The following DNASE1 variants were observed in gnomAD, a reference collection of about 807,000 sequenced individuals.
DNASE1 encodes deoxyribonuclease-1.
In DNASE1, 40 loss-of-function variants were observed where a neutral mutation model predicts 33.9. That is an observed-to-expected ratio of 1.18 (90% CI 0.92 to 1.54). The LOEUF (loss-of-function observed/expected upper bound fraction) is 1.54, where lower values mean the gene tolerates loss of function less well. Ranked by LOEUF, DNASE1 falls within the 40% of genes most tolerant of loss-of-function variation. The pLI is 0.00. For synonymous variants in DNASE1, 216 were observed against 160.0 expected, an observed-to-expected ratio of 1.35 and a Z score of -2.64; for missense variants, 518 against 372.6, an observed-to-expected ratio of 1.39 and a Z score of -3.21.
upstream of DNASE1, chr16:3,650,761 TGG>T (rs1194721583): frequency 6.6e-6 from 1 of 152,198 alleles, no homozygotes; most frequent in Non-Finnish European, 1.5e-5. Context: ...TGTTTAGTCA[TGG>T]GATGTGTGTG....
intron 1 of DNASE1, among the ~76,000 whole-genome samples, chr16:3,620,479 A>G (rs925148813): frequency 8.7e-5 from 13 of 149,910 alleles, no homozygotes; most frequent in African/African-American, 2.9e-4. Context: ...TGATCATGCC[A>G]CTCTACTTTA....
intron 2 of DNASE1, 49 bp downstream of exon 2, chr16:3,655,569 A>G: frequency 6.2e-7 from 1 of 1,612,780 alleles, no homozygotes. Flanking sequence ...TCTGGAGTCT[A>G]GGGCTGGTGG....
chr16:3,624,428 C>T (rs2041433584), intron 1 of DNASE1, among the ~76,000 whole-genome samples: 1 of 152,176 alleles, frequency 6.6e-6, no homozygotes. Flanking sequence ...TGGTGGTGCT[C>T]TAGGCACTGG....
rs778247219 is a variant in DNASE1 at position 3,655,550 on chromosome 16, C to A, written c.147+30C>A. On this transcript the variant is annotated intron_variant, in intron 2 of 8. Transcript: ENST00000246949. ...GGCCAGGGCAGCCTCCCCCCAAAAG[C>A]AGAGGAGCTCTGGAGTCTAGGGCTG... The A allele has an allele frequency of 3.7e-6, 6 of 1,613,574 alleles. No individual in the cohort carries two copies. The East Asian group carries it at 1.3e-4, about 36-fold the overall frequency.
At position 3,613,488 on chromosome 16, in the gene DNASE1, A is replaced by T. The variant is rs938296889; in HGVS notation, c.-1359+1482A>T. On this transcript the variant is annotated intron_variant and NMD_transcript_variant, in intron 1 of 11. Transcript: ENST00000570769. Reference sequence around the variant, plus strand: ...GAGTGGAATTACTGGGTAAGACTACATTTGATTCTGAATGTTGAGCTTCAA... The same window carrying T: ...GAGTGGAATTACTGGGTAAGACTACTTTTGATTCTGAATGTTGAGCTTCAA... Among the ~76,000 whole-genome samples, 8 of 152,318 alleles carry T rather than the reference A, an allele frequency of 5.3e-5. No individual in the cohort carries two copies. In the East Asian group the frequency reaches 1.5e-3, roughly 29 times the overall value.
At chr16:3,627,537 A>G (rs1014887213) in intron 1 of DNASE1, among the ~76,000 whole-genome samples, 14 of 152,122 alleles carry the variant, frequency 9.2e-5, no homozygotes, top group African/African-American at 3.4e-4. Context: ...TCAGTCTCCC[A>G]AAGTGTTACA....
At chr16:3,615,574 G>A (rs759421735) in intron 1 of DNASE1, among the ~76,000 whole-genome samples, 1 of 152,234 alleles carries the variant, frequency 6.6e-6, no homozygotes, top group African/African-American at 2.4e-5. Flanking sequence ...CAACCAGGGA[G>A]ATGAAAGAAG....
intron 1 of DNASE1, among the ~76,000 whole-genome samples, chr16:3,615,592 A>G (rs2041073359): frequency 6.6e-6 from 1 of 152,230 alleles, no homozygotes; most frequent in African/African-American, 2.4e-5. Context: ...AAGATGTCAG[A>G]TACTAAAAGG....
At position 3,656,998 on chromosome 16, in the gene DNASE1, G is replaced by A. The variant is rs2042700247; in HGVS notation, c.437-1G>A. 5.0e-6 allele frequency: 8 copies of A among 1,613,430 alleles called. No homozygotes were observed. Among genetic ancestry groups the A allele is most frequent in the Non-Finnish European group, 6.8e-6 (8 of 1,179,864 alleles). On this transcript the variant is annotated splice_acceptor_variant, in intron 5 of 8. Coordinates refer to ENST00000246949, the MANE Select transcript of DNASE1 (RefSeq NM_005223.4). LOFTEE classifies it high-confidence loss of function. ...CTCACACGACGTGGCTGTCTCCACA[G>A]AGGTCAGGGAGTTTGCCATTGTTCC...
intron 1 of DNASE1, among the ~76,000 whole-genome samples, chr16:3,647,578 A>C (rs1166118380): frequency 6.6e-6 from 1 of 152,114 alleles, no homozygotes; most frequent in African/African-American, 2.4e-5. Context: ...GCAGCCAGAA[A>C]ATTTCAGCAT....
upstream of DNASE1, among the ~76,000 whole-genome samples, chr16:3,641,475 C>G (rs1262362078): frequency 6.6e-6 from 1 of 152,124 alleles, no homozygotes; most frequent in Admixed American, 6.5e-5. Context: ...GGTGGGGAGT[C>G]TGGGGCAGGG....
chr16:3,612,625 G>T (rs937274368), intron 1 of DNASE1, among the ~76,000 whole-genome samples: 31 of 145,782 alleles, frequency 2.1e-4, no homozygotes, highest in African/African-American at 7.7e-4. Flanking sequence ...GCCCAGGCTG[G>T]TCTCGAGCCC....
chr16:3,655,847 A>C lies in DNASE1; in HGVS notation c.148-2A>C, dbSNP rs2042569948. 6.2e-7 allele frequency: 1 copy of C among 1,613,488 alleles called. No individual in the cohort carries two copies. Among genetic ancestry groups the C allele is most frequent in the African/African-American group, 1.3e-5 (1 of 74,924 alleles). On this transcript the variant is annotated splice_acceptor_variant, in intron 2 of 8. Transcript: ENST00000246949. LOFTEE classifies it high-confidence loss of function. ...TCAGCACCACTGTGGCCCTGCCCCC[A>C]GATCCTGAGCCGCTATGACATCGCC...
intron 1 of DNASE1, among the ~76,000 whole-genome samples, chr16:3,616,633 T>A (rs971707244): frequency 2.3e-5 from 3 of 131,030 alleles, no homozygotes; most frequent in Admixed American, 7.6e-5. Flanking sequence ...ATAAATAAAT[T>A]AAATAAATAA....
intron 1 of DNASE1, among the ~76,000 whole-genome samples, chr16:3,632,984 A>G (rs1291234932): frequency 6.6e-6 from 1 of 152,086 alleles, no homozygotes; most frequent in Non-Finnish European, 1.5e-5. Flanking sequence ...ACTGATGACA[A>G]ATTCCCTTAA....
At position 3,664,371 on chromosome 16, in the gene DNASE1, C is replaced by T. The variant is rs139522807; in HGVS notation, c.*6418C>T. The T allele has an allele frequency of 7.1e-4, 1,145 of 1,612,938 alleles. 9 individuals carry two copies. In the African/African-American group the frequency reaches 0.014, roughly 19 times the overall value. ...GTAGTAGATGTTGCGGGTGCCGGCC[C>T]GCATGCGGCTGGCGTATTCTGAGAG... On this transcript the variant is annotated 3_prime_UTR_variant, in exon 10 of 10. Coordinates refer to the DNASE1 transcript ENST00000407479.
upstream of DNASE1, among the ~76,000 whole-genome samples, chr16:3,639,201 C>T (rs144399558): frequency 3.5e-4 from 53 of 152,344 alleles, no homozygotes; most frequent in African/African-American, 1.3e-3. Flanking sequence ...GAACATTTCT[C>T]CCTTGCCCCA....
At chr16:3,663,669 G>T (rs943929758) in exon 10 of DNASE1, 19 of 1,404,382 alleles carry the variant, frequency 1.4e-5, no homozygotes, top group African/African-American at 1.3e-4. Context: ...GGGCCACACT[G>T]GGGAACACCG....
downstream of DNASE1, chr16:3,661,817 G>T (rs2043092230): frequency 2.4e-6 from 2 of 821,360 alleles, no homozygotes; most frequent in Non-Finnish European, 3.4e-6. Flanking sequence ...GGCTGGCCAG[G>T]TTCCATTTCA....
Sources: gnomAD v4.1 joint callset for allele counts (sites outside exome capture counted in the v4.1 genomes callset) on GRCh38, gnomAD v4.1.1 for gene constraint, MANE v1.5 for transcripts, NCBI Gene and HGNC (gene_info 2026-07-23, HGNC 2026-07-21) for gene names.